The following IGSF21 variants were observed in gnomAD, a reference collection of about 807,000 sequenced individuals.
IGSF21 encodes the protein immunoglobulin superfamily member 21.
In IGSF21, 28 loss-of-function variants were observed where a neutral mutation model predicts 46.8. The ratio of observed to expected loss-of-function variants is 0.60; its 90% CI spans 0.44 to 0.82. IGSF21 has a LOEUF of 0.82. Among genes scored for constraint, IGSF21 ranks in the 40% least tolerant of loss-of-function variants. The pLI is 0.00. For synonymous variants in IGSF21, 284 were observed against 273.6 expected (o/e 1.04, Z -0.38); for missense variants, 624 against 665.5 (o/e 0.94, Z 0.69).
chr1:18,308,406 C>T (rs531233373), intron 3 of IGSF21, among the ~76,000 whole-genome samples: 1 of 152,130 alleles, frequency 6.6e-6, no homozygotes, highest in Non-Finnish European at 1.5e-5. Flanking sequence ...AGGCCAAGTG[C>T]GGCGGGATGA....
chr1:18,233,802 T>C (rs1014507045), intron 2 of IGSF21, among the ~76,000 whole-genome samples: 3 of 152,158 alleles, frequency 2.0e-5, no homozygotes, highest in Non-Finnish European at 4.4e-5. Context: ...GCTGGTGAAC[T>C]CACTGGGTTT....
At chr1:18,191,240 G>A (rs962172080) in intron 1 of IGSF21, among the ~76,000 whole-genome samples, 1 of 152,126 alleles carries the variant, frequency 6.6e-6, no homozygotes, top group African/African-American at 2.4e-5. Context: ...TGCCCTCTCT[G>A]AGCCTCAAGT....
In IGSF21 at chr1:18,290,555, T is replaced by C. The variant is rs1161210528; in HGVS notation, c.184-1311T>C. Among the ~76,000 whole-genome samples the C allele has an allele frequency of 6.6e-6, 1 of 152,186 alleles. No homozygotes were observed. Among genetic ancestry groups the C allele is most frequent in the Non-Finnish European group, 1.5e-5 (1 of 68,026 alleles). On this transcript the variant is annotated intron_variant, in intron 2 of 9. Coordinates refer to ENST00000251296, the MANE Select transcript of IGSF21 (RefSeq NM_032880.5). This position sits in a 1 kb window ranked among gnomAD's most constrained non-coding sequence, Gnocchi z 4.2. ...AAGTGACTGGCACAGACGTAGCCTG[T>C]GTCTGCACACAGCTGGTTGCTCAAC...
intron 1 of IGSF21, among the ~76,000 whole-genome samples, chr1:18,201,180 G>C (rs1415742553): frequency 6.6e-6 from 1 of 152,180 alleles, no homozygotes; most frequent in Non-Finnish European, 1.5e-5. Context: ...AGCTGTCTCA[G>C]CATGGGTGAG....
chr1:18,177,782 G>T (rs1353906119), intron 1 of IGSF21, among the ~76,000 whole-genome samples: 2 of 152,146 alleles, frequency 1.3e-5, no homozygotes, highest in Non-Finnish European at 2.9e-5. Flanking sequence ...GCACATATAT[G>T]TTAAAAAGTC....
chr1:18,372,862 A>ATGGG (rs1467814134), intron 6 of IGSF21, among the ~76,000 whole-genome samples: 2 of 84,618 alleles, frequency 2.4e-5, no homozygotes. Context: ...GGATGGATGG[A>ATGGG]TGGGTGGATG....
At chr1:18,285,125 G>T (rs1378372904) in intron 2 of IGSF21, among the ~76,000 whole-genome samples, 1 of 152,016 alleles carries the variant, frequency 6.6e-6, no homozygotes, top group Admixed American at 6.5e-5. Context: ...ACCTGTAATT[G>T]GTTTTGTGGA....
chr1:18,300,624 T>G (rs1331294485), intron 3 of IGSF21, among the ~76,000 whole-genome samples: 1 of 152,190 alleles, frequency 6.6e-6, no homozygotes, highest in African/African-American at 2.4e-5. Context: ...TGTGGTGCAC[T>G]CATTGGCCAG....
At position 18,376,897 on chromosome 1, in the gene IGSF21, A is replaced by C. The variant is rs1280035937; in HGVS notation, c.1199A>C (p.Glu400Ala). The change falls in exon 8 of 10, where the codon GAG becomes GCG. Residue 400 changes from glutamate (E) to alanine (A), a missense_variant. By Grantham distance (107) the Glu-to-Ala change is moderately radical. Transcript: ENST00000251296. ...AEFDGKELVL[E>A]RVPAELNGSM... Reference sequence around the variant, plus strand: ...TTCGACGGGAAGGAGCTGGTGCTGGAGCGGGTTCCCGCCGAGCTCAATGGC... The same window carrying C: ...TTCGACGGGAAGGAGCTGGTGCTGGCGCGGGTTCCCGCCGAGCTCAATGGC... 1 of 1,612,806 alleles carries C rather than the reference A, an allele frequency of 6.2e-7. No individual in the cohort carries two copies. The highest frequency in any genetic ancestry group is 8.5e-7 in the Non-Finnish European group (1 of 1,179,064).
chr1:18,152,497 C>T (rs1345360645), intron 1 of IGSF21, among the ~76,000 whole-genome samples: 2 of 152,150 alleles, frequency 1.3e-5, no homozygotes, highest in Admixed American at 6.5e-5. Context: ...TTTGGTTTGG[C>T]CTTTTGGGTG....
At chr1:18,151,644 G>A (rs774713839) in intron 1 of IGSF21, among the ~76,000 whole-genome samples, 17 of 152,154 alleles carry the variant, frequency 1.1e-4, no homozygotes, top group Non-Finnish European at 1.9e-4. Flanking sequence ...GGATTTCACA[G>A]GATGTCTGGG....
At chr1:18,309,187 A>G (rs540608328) in intron 3 of IGSF21, among the ~76,000 whole-genome samples, 56 of 152,198 alleles carry the variant, frequency 3.7e-4, no homozygotes, top group South Asian at 8.3e-4. Flanking sequence ...TCCAAGTGGA[A>G]ATGCTACTGT....
In IGSF21 at chr1:18,147,036, C is replaced by G. The variant is rs142954183; in HGVS notation, c.70+38838C>G. Among the ~76,000 whole-genome samples the G allele has an allele frequency of 1.6e-3, 239 of 152,324 alleles. 1 individual carries two copies. Among genetic ancestry groups the G allele is most frequent in the African/African-American group, 5.6e-3 (231 of 41,578 alleles). On this transcript the variant is annotated intron_variant, in intron 1 of 9. Coordinates refer to ENST00000251296, the MANE Select transcript of IGSF21 (RefSeq NM_032880.5). ...CTGGAGGCTCTTCCCCCAATACATC[C>G]TGCATCTGGATGACGCTTCCCTCTG...
At chr1:18,203,852 C>T (rs1454022956) in intron 1 of IGSF21, among the ~76,000 whole-genome samples, 2 of 152,134 alleles carry the variant, frequency 1.3e-5, no homozygotes, top group African/African-American at 2.4e-5. Flanking sequence ...AGGGCAAAAT[C>T]GAAACTGTTA....
intron 4 of IGSF21, among the ~76,000 whole-genome samples, chr1:18,339,560 C>T (rs377187037): frequency 1.4e-4 from 22 of 152,142 alleles, no homozygotes; most frequent in Admixed American, 3.3e-4. Context: ...GGCGAAATCC[C>T]GTTTCTACAA....
chr1:18,217,383 G>A (rs369770646), intron 1 of IGSF21, among the ~76,000 whole-genome samples: 73 of 152,260 alleles, frequency 4.8e-4, no homozygotes, highest in Middle Eastern at 3.4e-3. Flanking sequence ...GGTGATACAC[G>A]GCAGACACTT....
chr1:18,188,554 C>G (rs1331372649), intron 1 of IGSF21, among the ~76,000 whole-genome samples: 1 of 152,090 alleles, frequency 6.6e-6, no homozygotes, highest in African/African-American at 2.4e-5. Context: ...CATTTTGGAA[C>G]TTGGACTTTC....
intron 2 of IGSF21, among the ~76,000 whole-genome samples, chr1:18,237,316 C>T (rs754908344): frequency 4.6e-5 from 7 of 152,152 alleles, no homozygotes; most frequent in Non-Finnish European, 1.0e-4. Flanking sequence ...GCACTGTACA[C>T]AGGTCTGAAG....
At chr1:18,244,674 CT>C (rs1469505022) in intron 2 of IGSF21, among the ~76,000 whole-genome samples, 1 of 152,228 alleles carries the variant, frequency 6.6e-6, no homozygotes. Flanking sequence ...ACAGAGGCCC[CT>C]GCCCTGGTGG....
Sources: allele counts gnomAD v4.1 joint callset (sites outside exome capture counted in the v4.1 genomes callset), GRCh38; gene constraint gnomAD v4.1.1; non-coding constraint Gnocchi (gnomAD v3.1); transcripts MANE v1.5; gene names NCBI Gene and HGNC (gene_info 2026-07-23, HGNC 2026-07-21).